The following UBR3 variants were observed in gnomAD, a reference collection of about 807,000 sequenced individuals.
UBR3 encodes the protein ubiquitin protein ligase E3 component n-recognin 3.
UBR3 carries 85 observed loss-of-function variants against 243.2 expected under a neutral mutation model. That is an observed-to-expected ratio of 0.35 (90% CI 0.29 to 0.42). The LOEUF (loss-of-function observed/expected upper bound fraction) is 0.42. Among genes scored for constraint, UBR3 ranks in the 10% least tolerant of loss-of-function variants. The pLI is 1.00. For synonymous variants in UBR3, 748 were observed against 799.8 expected (o/e 0.94, Z 1.09); for missense variants, 1,686 against 2,300.8 (o/e 0.73, Z 5.47).
intron 24 of UBR3, among the ~76,000 whole-genome samples, chr2:169,976,200 C>T (rs1326033963): frequency 6.6e-6 from 1 of 151,062 alleles, no homozygotes; most frequent in Non-Finnish European, 1.5e-5. Flanking sequence ...TAGATGAGGG[C>T]TTTTTGTTGT....
intron 32 of UBR3, 82 bp from the exon 33 acceptor site, chr2:170,055,378 A>G (rs1015232316): frequency 4.7e-6 from 7 of 1,489,696 alleles, no homozygotes; most frequent in Non-Finnish European, 6.4e-6. Flanking sequence ...TACATATGCA[A>G]GGAAAGGCAT....
At chr2:170,055,322 C>T (rs2105442568) in intron 32 of UBR3, 138 bp from the exon 33 acceptor site, 1 of 995,438 alleles carries the variant, frequency 1.0e-6, no homozygotes, top group Non-Finnish European at 1.4e-6. Flanking sequence ...GACCTCGTCT[C>T]AAAAACAAAC....
chr2:170,041,382 G>T (rs1023833371), intron 32 of UBR3, among the ~76,000 whole-genome samples: 4 of 152,062 alleles, frequency 2.6e-5, no homozygotes, highest in Non-Finnish European at 5.9e-5. Context: ...TTCTGAAAAT[G>T]GTTTAAAAAA....
In UBR3 at chr2:170,082,093, A is replaced by C; in HGVS notation, c.*250A>C. ...GTGGTCATTTTTTAAGTGCACAATT[A>C]ATAAGAAGCACAACTTGTTCACAAA... On this transcript the variant is annotated 3_prime_UTR_variant, in exon 39 of 39. Transcript: ENST00000272793. The C allele has an allele frequency of 1.3e-5, 4 of 301,334 alleles. No individual in the cohort carries two copies. Among genetic ancestry groups the C allele is most frequent in the African/African-American group, 6.4e-5 (3 of 46,612 alleles). 18.7% of individuals were successfully genotyped at this position (301,334 alleles called of 1,614,324 possible).
intron 25 of UBR3, among the ~76,000 whole-genome samples, chr2:169,992,414 A>G (rs530151706): frequency 2.6e-5 from 4 of 152,328 alleles, no homozygotes; most frequent in African/African-American, 4.8e-5. Context: ...CTAGCATTCT[A>G]TGAGGCTAGC....
At chr2:169,939,510 G>A (rs924524097) in intron 19 of UBR3, among the ~76,000 whole-genome samples, 22 of 149,910 alleles carry the variant, frequency 1.5e-4, no homozygotes, top group African/African-American at 4.9e-4. Flanking sequence ...CTCGTGATCC[G>A]CCCACCTCAG....
intron 36 of UBR3, chr2:170,077,919 C>A (rs991666192): frequency 5.8e-6 from 3 of 516,476 alleles, no homozygotes; most frequent in East Asian, 4.3e-5. Flanking sequence ...TCTGTATCTC[C>A]CTGGGCAAGT....
chr2:170,059,058 T>G (rs190457739), intron 33 of UBR3, among the ~76,000 whole-genome samples: 251 of 152,324 alleles, frequency 1.6e-3, no homozygotes, highest in African/African-American at 5.7e-3. Context: ...TTTTAGGTCT[T>G]TCATCCATGT....
intron 8 of UBR3, among the ~76,000 whole-genome samples, chr2:169,899,351 G>A (rs1350783726): frequency 6.6e-6 from 1 of 152,034 alleles, no homozygotes; most frequent in Admixed American, 6.5e-5. Flanking sequence ...CATGTAATAT[G>A]ATCTATTCTT....
intron 35 of UBR3, among the ~76,000 whole-genome samples, chr2:170,071,589 A>AAT (rs1445799407): frequency 1.3e-5 from 2 of 152,172 alleles, no homozygotes; most frequent in Non-Finnish European, 2.9e-5. Flanking sequence ...AAAATGGTTG[A>AAT]ATGTTATGGT....
At chr2:169,970,832 A>G (rs898135236) in intron 24 of UBR3, among the ~76,000 whole-genome samples, 4 of 147,028 alleles carry the variant, frequency 2.7e-5, no homozygotes, top group Non-Finnish European at 4.5e-5. Context: ...TCCTTTGGGT[A>G]TATACCCAGT....
At chr2:170,066,516 C>T (rs1171264873) in intron 35 of UBR3, among the ~76,000 whole-genome samples, 1 of 151,778 alleles carries the variant, frequency 6.6e-6, no homozygotes, top group Admixed American at 6.6e-5. Flanking sequence ...TATCTAGCCC[C>T]CCCACCTCCA....
At chr2:170,042,082 G>T (rs899138611) in intron 32 of UBR3, among the ~76,000 whole-genome samples, 1 of 152,096 alleles carries the variant, frequency 6.6e-6, no homozygotes. Context: ...ATTTTCATCA[G>T]CCCCAAAGGA....
At chr2:169,982,452 TCTAA>T (rs1297000204) in intron 24 of UBR3, among the ~76,000 whole-genome samples, 3 of 152,122 alleles carry the variant, frequency 2.0e-5, no homozygotes, top group African/African-American at 7.2e-5. Flanking sequence ...TAAAATAGGC[TCTAA>T]CTATTTTTAA....
intron 5 of UBR3, among the ~76,000 whole-genome samples, chr2:169,880,962 G>C (rs1431030576): frequency 2.0e-5 from 3 of 152,110 alleles, no homozygotes; most frequent in Non-Finnish European, 4.4e-5. Context: ...TCTGTGTGTA[G>C]TATGTTTTAT....
intron 11 of UBR3, among the ~76,000 whole-genome samples, chr2:169,918,908 G>T (rs2085573153): frequency 6.6e-6 from 1 of 152,182 alleles, no homozygotes; most frequent in South Asian, 2.1e-4. Context: ...TGGAAAACAA[G>T]TATATGGTTA....
chr2:169,868,928 C>T (rs12988644), intron 1 of UBR3, among the ~76,000 whole-genome samples: 63,485 of 151,918 alleles, frequency 0.42, 15,066 homozygotes, highest in Non-Finnish European at 0.54. Flanking sequence ...GCCCTGGTAC[C>T]CCTTTATTCC....
At chr2:169,960,367 A>G (rs1488001379) in intron 24 of UBR3, among the ~76,000 whole-genome samples, 2 of 152,088 alleles carry the variant, frequency 1.3e-5, no homozygotes, top group African/African-American at 4.8e-5. Context: ...TATCTATGTA[A>G]ATATTCTGAA....
intron 1 of UBR3, among the ~76,000 whole-genome samples, chr2:169,838,474 C>T (rs1289600035): frequency 3.4e-5 from 5 of 147,412 alleles, no homozygotes; most frequent in Non-Finnish European, 7.4e-5. Context: ...TGCATACTCA[C>T]ATGGCAGAAG....
Sources: allele counts gnomAD v4.1 joint callset (sites outside exome capture counted in the v4.1 genomes callset), GRCh38; gene constraint gnomAD v4.1.1; transcripts MANE v1.5; gene names NCBI Gene and HGNC (gene_info 2026-07-23, HGNC 2026-07-21).